Variants in NUP93 observed in about 807,000 individuals in gnomAD.
NUP93 encodes the protein nucleoporin 93.
Under a neutral mutation model 107.8 loss-of-function variants are expected in NUP93, and 55 were observed. The observed-to-expected ratio is 0.51, with a 90% CI of 0.41 to 0.64. NUP93 has a LOEUF of 0.64. Ranked by LOEUF, NUP93 falls within the 30% of genes least tolerant of loss-of-function variation. The probability of loss-of-function intolerance (pLI) is 0.00; values close to 1 mark genes in which losing one functional copy is unlikely to be tolerated. For missense variants in NUP93, 937 were observed against 1,044.7 expected (o/e 0.90, Z 1.42); for synonymous variants, 390 against 397.5 (o/e 0.98, Z 0.22).
intron 3 of NUP93, among the ~76,000 whole-genome samples, chr16:56,790,127 C>CAAAACAA (rs1371152414): frequency 8.5e-5 from 12 of 141,764 alleles, no homozygotes; most frequent in African/African-American, 3.2e-4. Context: ...CAAAACAAAA[C>CAAAACAA]AAAAAAACAA....
intron 3 of NUP93, among the ~76,000 whole-genome samples, chr16:56,797,032 T>A (rs1962915729): frequency 6.6e-6 from 1 of 151,794 alleles, no homozygotes; most frequent in Non-Finnish European, 1.5e-5. Context: ...CCCAGCACTT[T>A]GGGAGGCAGA....
chr16:56,821,425 G>T (rs556813351), intron 6 of NUP93, 79 bp from the exon 7 acceptor site: 10 of 969,458 alleles, frequency 1.0e-5, no homozygotes, highest in Non-Finnish European at 1.6e-5. Flanking sequence ...AGCTTCTGCC[G>T]GCCATTGCCT....
chr16:56,775,435 A>G (rs982052362), intron 3 of NUP93, among the ~76,000 whole-genome samples: 1 of 152,216 alleles, frequency 6.6e-6, no homozygotes. Flanking sequence ...AGTGGATATA[A>G]TATAGTACCC....
At position 56,823,801 on chromosome 16, in the gene NUP93, T is replaced by C. The variant is rs761897168; in HGVS notation, c.749T>C (p.Val250Ala). Residue 250 changes from valine (V) to alanine (A), a missense_variant, in exon 8 of 22, where the codon GTG becomes GCG. Physicochemically the swap from Val to Ala is moderately conservative, Grantham distance 64 (BLOSUM62 0). Coordinates refer to ENST00000308159, the MANE Select transcript of NUP93 (RefSeq NM_014669.5). Reference protein sequence around the residue: ...DALKNRSSVEVRMEFVRQALA... With the variant: ...DALKNRSSVEARMEFVRQALA... ...CTGAAGAACCGCAGCAGCGTGGAAG[T>C]GCGCATGGAGTTTGTCAGGCAGGCC... The C allele has an allele frequency of 4.0e-5, 64 of 1,613,994 alleles. 1 individual carries two copies. In the South Asian group the frequency reaches 6.8e-4, roughly 17 times the overall value.
At chr16:56,797,870 C>G (rs1266850740) in intron 3 of NUP93, among the ~76,000 whole-genome samples, 1 of 152,204 alleles carries the variant, frequency 6.6e-6, no homozygotes, top group African/African-American at 2.4e-5. Context: ...GGCATTTAAC[C>G]TGTTTATATT....
chr16:56,786,133 A>G (rs939925382), intron 3 of NUP93, among the ~76,000 whole-genome samples: 1 of 152,106 alleles, frequency 6.6e-6, no homozygotes, highest in Non-Finnish European at 1.5e-5. Context: ...TTCAAAAACA[A>G]AGCTTATTTT....
chr16:56,810,331 G>GT (rs1278498470), intron 5 of NUP93, among the ~76,000 whole-genome samples: 1 of 152,144 alleles, frequency 6.6e-6, no homozygotes, highest in African/African-American at 2.4e-5. Flanking sequence ...GTGCACAGAC[G>GT]TAAGTATGCA....
intron 8 of NUP93, among the ~76,000 whole-genome samples, chr16:56,827,670 T>C (rs1407408039): frequency 6.6e-6 from 1 of 152,188 alleles, no homozygotes; most frequent in Non-Finnish European, 1.5e-5. Context: ...TGATCCAGCT[T>C]ACAAGATATT....
At chr16:56,832,699 C>G (rs1424749421) in intron 12 of NUP93, among the ~76,000 whole-genome samples, 3 of 152,190 alleles carry the variant, frequency 2.0e-5, no homozygotes, top group Non-Finnish European at 4.4e-5. Flanking sequence ...GTCGATCGTA[C>G]CAGTCACTAG....
intron 3 of NUP93, among the ~76,000 whole-genome samples, chr16:56,768,334 T>G (rs60107605): frequency 0.1 from 15,293 of 150,586 alleles, 784 homozygotes; most frequent in East Asian, 0.15. Context: ...GAGGCTGAGG[T>G]GGGTGGATCA....
intron 1 of NUP93, among the ~76,000 whole-genome samples, chr16:56,739,472 G>C (rs1961671022): frequency 1.3e-5 from 1 of 78,094 alleles, no homozygotes; most frequent in East Asian, 5.4e-4. Flanking sequence ...AGGGGCGGCC[G>C]GGCAGAGGCA....
intron 1 of NUP93, among the ~76,000 whole-genome samples, chr16:56,730,940 T>C (rs1961524432): frequency 6.6e-6 from 1 of 152,232 alleles, no homozygotes; most frequent in Non-Finnish European, 1.5e-5. Flanking sequence ...TATTTAATTT[T>C]TATTTTGACC....
intron 3 of NUP93, among the ~76,000 whole-genome samples, chr16:56,785,782 A>G (rs879901245): frequency 5.3e-5 from 8 of 152,208 alleles, no homozygotes; most frequent in Admixed American, 5.2e-4. Context: ...GAAGATAAAA[A>G]TTTTGAGATT....
intron 1 of NUP93, among the ~76,000 whole-genome samples, chr16:56,738,800 G>A (rs1305439009): frequency 6.6e-6 from 1 of 151,978 alleles, no homozygotes; most frequent in Non-Finnish European, 1.5e-5. Context: ...TACCTTGGGT[G>A]GAGGTTTTTC....
chr16:56,829,675 G>A (rs922994021), intron 9 of NUP93, among the ~76,000 whole-genome samples: 4 of 152,228 alleles, frequency 2.6e-5, no homozygotes, highest in African/African-American at 9.6e-5. Flanking sequence ...TCCAGGAGGA[G>A]GTAACACATG....
At chr16:56,830,490 C>G (rs1441326160) in intron 9 of NUP93, 38 bp from the exon 10 acceptor site, 2 of 1,519,422 alleles carry the variant, frequency 1.3e-6, no homozygotes, top group Non-Finnish European at 1.8e-6. Context: ...GTCAGCCTTT[C>G]CTTGTTTATT....
intron 5 of NUP93, among the ~76,000 whole-genome samples, chr16:56,815,638 A>G (rs1397777246): frequency 6.6e-6 from 1 of 152,146 alleles, no homozygotes; most frequent in Non-Finnish European, 1.5e-5. Context: ...TTTATTGACC[A>G]TATCTTGGAC....
At chr16:56,754,597 T>C (rs1260703693) in intron 2 of NUP93, among the ~76,000 whole-genome samples, 1 of 152,246 alleles carries the variant, frequency 6.6e-6, no homozygotes, top group Non-Finnish European at 1.5e-5. Flanking sequence ...CCCCATGCTT[T>C]GGCTCTGCAG....
At chr16:56,818,425 A>T (rs569315985) in intron 5 of NUP93, among the ~76,000 whole-genome samples, 1 of 152,214 alleles carries the variant, frequency 6.6e-6, no homozygotes, top group Admixed American at 6.5e-5. Context: ...GATAGGGTTT[A>T]TGCAGCCCCT....
Sources: gnomAD v4.1 joint callset for allele counts (sites outside exome capture counted in the v4.1 genomes callset) on GRCh38, gnomAD v4.1.1 for gene constraint, MANE v1.5 for transcripts, NCBI Gene and HGNC (gene_info 2026-07-23, HGNC 2026-07-21) for gene names.